LARGE1: variants seen among roughly 807,000 people sequenced by gnomAD.
LARGE1 encodes xylosyl- and glucuronyltransferase LARGE1.
Under a neutral mutation model 87.6 loss-of-function variants are expected in LARGE1, and 43 were observed. That is an observed-to-expected ratio of 0.49 (90% CI 0.38 to 0.63). LARGE1 has a LOEUF of 0.63. Among genes scored for constraint, LARGE1 ranks in the 30% least tolerant of loss-of-function variants. The pLI is 0.00. For synonymous variants in LARGE1, 434 were observed against 394.6 expected (o/e 1.10, Z -1.18); for missense variants, 802 against 1,000.2 (o/e 0.80, Z 2.67).
chr22:33,371,879 G>C (rs1174924474), intron 9 of LARGE1, among the ~76,000 whole-genome samples: 1 of 151,938 alleles, frequency 6.6e-6, no homozygotes, highest in Non-Finnish European at 1.5e-5. Flanking sequence ...AGCTACTCGG[G>C]AGGCTGGGGC....
Position 33,807,788 on chromosome 22 carries a change from G to A in LARGE1, c.-82-46230C>T, listed in dbSNP as rs11913517. 5.3e-3 allele frequency among the ~76,000 whole-genome samples: 810 copies of A among 152,180 alleles called. 6 individuals are homozygous for A. The highest frequency in any genetic ancestry group is 0.018 in the African/African-American group (766 of 41,506). On this transcript the variant is annotated intron_variant, in intron 1 of 14. Transcript: ENST00000397394. ...TTTTCAAATTGGCTTCTTTCATTTA[G>A]TCATATGTATTTAAATTTCTTCCAT...
chr22:33,110,578 T>G, the LARGE1 span: 2 of 152,234 alleles, frequency 1.3e-5, no homozygotes, highest in Admixed American at 1.3e-4. Flanking sequence ...GACCACTGGA[T>G]AAAGCCAATC....
chr22:33,417,905 C>A (rs1480378044), intron 7 of LARGE1, among the ~76,000 whole-genome samples: 2 of 152,226 alleles, frequency 1.3e-5, no homozygotes, highest in Non-Finnish European at 2.9e-5. Context: ...GTTTCTGTGA[C>A]TTCCCCTTTG....
intron 7 of LARGE1, among the ~76,000 whole-genome samples, chr22:33,389,863 C>A (rs968761949): frequency 8.5e-6 from 1 of 117,182 alleles, no homozygotes; most frequent in Non-Finnish European, 1.6e-5. Flanking sequence ...ACCAACCAAC[C>A]AACCAACCAA....
chr22:33,341,029 G>A (rs1467171741), intron 9 of LARGE1, among the ~76,000 whole-genome samples: 1 of 148,734 alleles, frequency 6.7e-6, no homozygotes, highest in Non-Finnish European at 1.5e-5. Flanking sequence ...GGGTTGAACA[G>A]TATATCAAAT....
intron 5 of LARGE1, among the ~76,000 whole-genome samples, chr22:33,579,619 C>CACT (rs1288793387): frequency 6.6e-6 from 1 of 152,136 alleles, no homozygotes; most frequent in African/African-American, 2.4e-5. Flanking sequence ...TACATGGGCG[C>CACT]ACTACTGGGC....
At chr22:33,903,152 A>C (rs1300569289) in intron 1 of LARGE1, among the ~76,000 whole-genome samples, 3 of 152,160 alleles carry the variant, frequency 2.0e-5, no homozygotes, top group African/African-American at 7.2e-5. Flanking sequence ...AAAGGTAATT[A>C]AGTTAAAATG....
chr22:33,452,196 G>A (rs937163043), intron 6 of LARGE1, among the ~76,000 whole-genome samples: 13 of 152,144 alleles, frequency 8.5e-5, no homozygotes, highest in East Asian at 5.8e-4. Flanking sequence ...ATTCCAATGC[G>A]GGAGCTGGAC....
At chr22:33,753,601 A>T (rs1222755563) in intron 2 of LARGE1, among the ~76,000 whole-genome samples, 1 of 152,106 alleles carries the variant, frequency 6.6e-6, no homozygotes, top group Non-Finnish European at 1.5e-5. Flanking sequence ...AAACTCATAC[A>T]AGTTGCATGT....
At chr22:33,910,668 C>G (rs1368172283) in intron 1 of LARGE1, among the ~76,000 whole-genome samples, 1 of 152,088 alleles carries the variant, frequency 6.6e-6, no homozygotes, top group Non-Finnish European at 1.5e-5. Flanking sequence ...TCAACGTTGG[C>G]TGAGCAAGTG....
chr22:33,083,105 C>G, the LARGE1 span, among the ~76,000 whole-genome samples: 1 of 152,140 alleles, frequency 6.6e-6, no homozygotes, highest in Non-Finnish European at 1.5e-5. Flanking sequence ...TATCAAAACA[C>G]TGTTGGTTTT....
chr22:33,641,926 C>T (rs1026010689), intron 3 of LARGE1, among the ~76,000 whole-genome samples: 3 of 151,874 alleles, frequency 2.0e-5, no homozygotes, highest in Admixed American at 6.6e-5. Context: ...TGAAAGTGAC[C>T]GAGAGAATGG....
chr22:33,295,348 A>G (rs5998852), intron 12 of LARGE1, among the ~76,000 whole-genome samples: 10,672 of 152,250 alleles, frequency 0.07, 1,103 homozygotes, highest in African/African-American at 0.23. Flanking sequence ...AAGGGCACAC[A>G]TGTGTGTGTA....
intron 1 of LARGE1, among the ~76,000 whole-genome samples, chr22:33,828,327 T>G (rs5749676): frequency 0.57 from 86,736 of 152,158 alleles, 25,531 homozygotes; most frequent in East Asian, 0.8. Flanking sequence ...CAGGGCATCC[T>G]GAGAGAGTCC....
intron 2 of LARGE1, among the ~76,000 whole-genome samples, chr22:33,738,173 C>T (rs1053262459): frequency 2.6e-5 from 4 of 152,216 alleles, no homozygotes; most frequent in Admixed American, 1.3e-4. Flanking sequence ...GGAATCCCTC[C>T]GAGTAAGAAG....
rs116402768 is a variant in LARGE1, at chr22:33,320,582, T to C, written c.1288-4334A>G. On this transcript the variant is annotated intron_variant, in intron 10 of 14. Coordinates refer to ENST00000397394, the MANE Select transcript of LARGE1 (RefSeq NM_133642.5). Reference sequence around the variant, plus strand: ...ATGCCTGGCTTGTGACAGGTGCTAATATCATGTGTTGCATGCCTGAAAAAT... The same window carrying C: ...ATGCCTGGCTTGTGACAGGTGCTAACATCATGTGTTGCATGCCTGAAAAAT... Among the ~76,000 whole-genome samples the C allele has an allele frequency of 6.3e-3, 965 of 152,344 alleles. 12 individuals carry two copies. The highest frequency in any genetic ancestry group is 0.022 in the African/African-American group (914 of 41,576).
chr22:33,449,394 C>A (rs1337388636), intron 6 of LARGE1, among the ~76,000 whole-genome samples: 1 of 152,154 alleles, frequency 6.6e-6, no homozygotes, highest in Non-Finnish European at 1.5e-5. Flanking sequence ...AGGGTAAGAG[C>A]AGAAGTCAAC....
the LARGE1 span, among the ~76,000 whole-genome samples, chr22:33,134,203 A>G: frequency 6.6e-6 from 1 of 151,662 alleles, no homozygotes; most frequent in Admixed American, 6.6e-5. Flanking sequence ...ATCTTGTGCC[A>G]GTACAGGCTG....
At chr22:33,209,165 T>C (rs1568974559) in intron 11 of LARGE1, among the ~76,000 whole-genome samples, 2 of 152,266 alleles carry the variant, frequency 1.3e-5, no homozygotes, top group African/African-American at 4.8e-5. Context: ...CCACAGTGGT[T>C]GACAAAACAT....
Sources: gnomAD v4.1 joint callset for allele counts (sites outside exome capture counted in the v4.1 genomes callset) on GRCh38, gnomAD v4.1.1 for gene constraint, MANE v1.5 for transcripts, NCBI Gene and HGNC (gene_info 2026-07-23, HGNC 2026-07-21) for gene names.